Variants in GMDS observed in about 807,000 individuals in gnomAD.
GMDS encodes GDP-mannose 4,6-dehydratase, also known as GDP-mannose 4,6 dehydratase.
In GMDS, 20 loss-of-function variants were observed where a neutral mutation model predicts 49.9. That is an observed-to-expected ratio of 0.40 (90% CI 0.28 to 0.58). The LOEUF (loss-of-function observed/expected upper bound fraction) is 0.58, where lower values mean the gene tolerates loss of function less well. GMDS is among the 20% of genes least tolerant of loss of function. GMDS has a pLI of 0.42. For synonymous variants in GMDS, 177 were observed against 178.6 expected (o/e 0.99, Z 0.07); for missense variants, 362 against 481.4 (o/e 0.75, Z 2.32).
intron 4 of GMDS, among the ~76,000 whole-genome samples, chr6:2,098,291 C>T (rs1773724451): frequency 6.6e-6 from 1 of 152,212 alleles, no homozygotes; most frequent in Admixed American, 6.5e-5. Flanking sequence ...CTCCTGACCT[C>T]AGTCGATCCA....
At chr6:1,961,575 G>A (rs759149521) in intron 4 of GMDS, among the ~76,000 whole-genome samples, 6 of 152,128 alleles carry the variant, frequency 3.9e-5, no homozygotes, top group Non-Finnish European at 7.4e-5. Context: ...GGAATAATTC[G>A]ATATTTTGCA....
intron 8 of GMDS, among the ~76,000 whole-genome samples, chr6:1,730,728 T>G (rs1387480957): frequency 6.6e-6 from 1 of 151,986 alleles, no homozygotes; most frequent in East Asian, 1.9e-4. Context: ...GCATCAGAGA[T>G]TCTCCAACTA....
At chr6:1,790,484 C>T (rs1769493687) in intron 7 of GMDS, among the ~76,000 whole-genome samples, 1 of 152,176 alleles carries the variant, frequency 6.6e-6, no homozygotes, top group South Asian at 2.1e-4. Context: ...TTGACTCTAG[C>T]ACCTAAACTC....
At chr6:2,150,497 G>T (rs1776789616) in intron 1 of GMDS, among the ~76,000 whole-genome samples, 1 of 152,156 alleles carries the variant, frequency 6.6e-6, no homozygotes, top group African/African-American at 2.4e-5. Flanking sequence ...GAATTCTAGG[G>T]ATGTGGATTC....
chr6:1,826,118 T>C (rs183378310), intron 7 of GMDS, among the ~76,000 whole-genome samples: 23 of 152,188 alleles, frequency 1.5e-4, no homozygotes, highest in Non-Finnish European at 2.8e-4. Flanking sequence ...GAGTGAGAGG[T>C]GAGTCAATAT....
chr6:1,995,874 T>G (rs1294352214), intron 4 of GMDS, among the ~76,000 whole-genome samples: 2 of 125,448 alleles, frequency 1.6e-5, no homozygotes, highest in African/African-American at 6.6e-5. Context: ...TTCCTTCTTT[T>G]TGGTGATCTC....
chr6:2,043,024 A>T (rs1769777066), intron 4 of GMDS, among the ~76,000 whole-genome samples: 1 of 152,160 alleles, frequency 6.6e-6, no homozygotes, highest in South Asian at 2.1e-4. Context: ...GGCTAGAAAG[A>T]CATCTGTGGA....
chr6:2,080,995 A>G (rs996289493), intron 4 of GMDS, among the ~76,000 whole-genome samples: 2 of 152,162 alleles, frequency 1.3e-5, no homozygotes, highest in African/African-American at 2.4e-5. Flanking sequence ...AATTTTCTGT[A>G]AAACTGAGAA....
At chr6:2,044,230 G>A (rs1345068973) in intron 4 of GMDS, among the ~76,000 whole-genome samples, 3 of 152,138 alleles carry the variant, frequency 2.0e-5, no homozygotes, top group Non-Finnish European at 4.4e-5. Context: ...CCAAAGAAAT[G>A]TAAATAACTC....
chr6:1,981,754 C>T (rs949787837), intron 4 of GMDS, among the ~76,000 whole-genome samples: 1 of 152,202 alleles, frequency 6.6e-6, no homozygotes, highest in African/African-American at 2.4e-5. Flanking sequence ...CCTTGATGAA[C>T]ATCAGTGCAA....
chr6:2,210,100 CCT>C (rs1462487657), intron 1 of GMDS, among the ~76,000 whole-genome samples: 2 of 152,156 alleles, frequency 1.3e-5, no homozygotes, highest in Admixed American at 1.3e-4. Context: ...CAATTTAGCT[CCT>C]GAGTGCCTTT....
intron 7 of GMDS, among the ~76,000 whole-genome samples, chr6:1,862,881 A>AT (rs1758259646): frequency 1.3e-5 from 2 of 152,244 alleles, no homozygotes. Context: ...TTCAAGCAAC[A>AT]TTGTCTCTTC....
At chr6:1,690,416 C>A (rs1765131378) in intron 9 of GMDS, among the ~76,000 whole-genome samples, 1 of 152,126 alleles carries the variant, frequency 6.6e-6, no homozygotes, top group African/African-American at 2.4e-5. Flanking sequence ...AGGAAGGGGT[C>A]AAGTTTCAAT....
intron 4 of GMDS, among the ~76,000 whole-genome samples, chr6:2,053,463 T>C (rs1389586258): frequency 2.6e-5 from 4 of 152,100 alleles, no homozygotes; most frequent in African/African-American, 9.6e-5. Context: ...CATTTCAAAA[T>C]TAAAGCTCTT....
intron 7 of GMDS, among the ~76,000 whole-genome samples, chr6:1,917,004 G>A (rs138395591): frequency 2.0e-3 from 302 of 152,088 alleles, no homozygotes; most frequent in African/African-American, 7.1e-3. Context: ...ACTGCTTAAT[G>A]TAGAGGAAGT....
intron 7 of GMDS, among the ~76,000 whole-genome samples, chr6:1,851,119 T>G (rs778652139): frequency 6.6e-6 from 1 of 152,336 alleles, no homozygotes. Flanking sequence ...CTGGAGAGGT[T>G]GTGGACGGGA....
chr6:1,939,944 T>C (rs1762739401), intron 6 of GMDS, among the ~76,000 whole-genome samples: 1 of 152,150 alleles, frequency 6.6e-6, no homozygotes, highest in Non-Finnish European at 1.5e-5. Flanking sequence ...GTTCACTAAG[T>C]CCTACTAGGG....
At chr6:1,873,860 C>T (rs1758898597) in intron 7 of GMDS, among the ~76,000 whole-genome samples, 1 of 152,210 alleles carries the variant, frequency 6.6e-6, no homozygotes, top group Non-Finnish European at 1.5e-5. Context: ...GTGCCAACCT[C>T]TACCAAAGCA....
chr6:1,747,494 A>G lies in GMDS; in HGVS notation c.772-4908T>C, dbSNP rs903046881. On this transcript the variant is annotated intron_variant, in intron 7 of 10. Transcript: ENST00000380815. ...CACACGCTCATGCGTGTGCGCGCACACACACACACACACACTTATGTATGT... is the reference window on the plus strand; with the variant it reads ...CACACGCTCATGCGTGTGCGCGCACGCACACACACACACACTTATGTATGT... 3.6e-4 allele frequency among the ~76,000 whole-genome samples: 54 copies of G among 150,454 alleles called. 1 individual carries two copies. Among genetic ancestry groups the G allele is most frequent in the South Asian group, 1.1e-3 (5 of 4,720 alleles).
Sources: allele counts gnomAD v4.1 joint callset (sites outside exome capture counted in the v4.1 genomes callset), GRCh38; gene constraint gnomAD v4.1.1; transcripts MANE v1.5; gene names NCBI Gene and HGNC (gene_info 2026-07-23, HGNC 2026-07-21).